The following TAFA2 variants were observed in gnomAD, a reference collection of about 807,000 sequenced individuals.
The protein encoded by TAFA2 is chemokine-like protein TAFA-2.
TAFA2 carries 7 observed loss-of-function variants against 18.8 expected under a neutral mutation model. The observed-to-expected ratio is 0.37, with a 90% confidence interval of 0.21 to 0.70. The LOEUF (loss-of-function observed/expected upper bound fraction) is 0.70. Ranked by LOEUF, TAFA2 falls within the 30% of genes least tolerant of loss-of-function variation. TAFA2 has a pLI of 0.53. For missense variants in TAFA2, 122 were observed against 158.1 expected (o/e 0.77, Z 1.23); for synonymous variants, 60 against 54.2 (o/e 1.11, Z -0.47).
intron 2 of TAFA2, among the ~76,000 whole-genome samples, chr12:61,854,837 TA>T: frequency 6.6e-6 from 1 of 152,262 alleles, no homozygotes; most frequent in Non-Finnish European, 1.5e-5. Flanking sequence ...AAGAAACAGC[TA>T]AATGATATGC....
In TAFA2 at chr12:62,216,962, A is replaced by T. The variant is rs2062738395; in HGVS notation, c.-130+41801T>A. Reference sequence around the variant, plus strand: ...CCCTATAAGGGTTCAGGGAAATGCCATGTAGGTAGTATATGGGAGTCCAGT... The same window carrying T: ...CCCTATAAGGGTTCAGGGAAATGCCTTGTAGGTAGTATATGGGAGTCCAGT... On this transcript the variant is annotated intron_variant, in intron 1 of 5. Coordinates refer to the TAFA2 transcript ENST00000551619. Among the ~76,000 whole-genome samples the T allele has an allele frequency of 2.0e-5, 3 of 152,328 alleles. No homozygotes were observed. The South Asian group carries it at 6.2e-4, about 32-fold the overall frequency.
chr12:61,982,581 T>G (rs1374965523), intron 1 of TAFA2, among the ~76,000 whole-genome samples: 1 of 152,100 alleles, frequency 6.6e-6, no homozygotes, highest in East Asian at 1.9e-4. Context: ...TTATATCCAG[T>G]TTTTTGCTTT....
intron 1 of TAFA2, chr12:62,234,746 C>G: frequency 9.1e-7 from 1 of 1,102,040 alleles, no homozygotes; most frequent in Non-Finnish European, 1.4e-6. Flanking sequence ...TTTCCTGAGG[C>G]CTGGAGTTCT....
At chr12:62,150,188 A>G (rs1485291979) in intron 1 of TAFA2, among the ~76,000 whole-genome samples, 1 of 152,174 alleles carries the variant, frequency 6.6e-6, no homozygotes, top group African/African-American at 2.4e-5. Context: ...ATAGACGCCA[A>G]GGGCACAAAG....
In TAFA2 at chr12:62,086,159, AC is replaced by A. The variant is rs570353547; in HGVS notation, c.-2+105099del. On this transcript the variant is annotated intron_variant, in intron 1 of 4. Transcript: ENST00000416284. ...CATAGCATTATGAGAACGGACTAAG[AC>A]AGTCTCAAAAAAACAAAACAAAACA... is the stretch of plus-strand genomic sequence containing the variant. Among the ~76,000 whole-genome samples, 391 of 151,280 alleles carry A rather than the reference AC, an allele frequency of 2.6e-3. 1 individual carries two copies. The highest frequency in any genetic ancestry group is 8.7e-3 in the African/African-American group (356 of 40,870).
intron 1 of TAFA2, among the ~76,000 whole-genome samples, chr12:62,085,516 G>A (rs752287630): frequency 1.3e-5 from 2 of 152,042 alleles, no homozygotes; most frequent in Non-Finnish European, 2.9e-5. Flanking sequence ...ATTCTGAGAA[G>A]TAAACATGTA....
intron 1 of TAFA2, among the ~76,000 whole-genome samples, chr12:62,233,065 T>C (rs2062819283): frequency 8.6e-6 from 1 of 116,176 alleles, no homozygotes; most frequent in South Asian, 3.1e-4. Flanking sequence ...TTTCTGCATC[T>C]CTTTTTTTTT....
intron 2 of TAFA2, among the ~76,000 whole-genome samples, chr12:61,818,528 A>G (rs201957294): frequency 7.8e-6 from 1 of 127,934 alleles, no homozygotes; most frequent in Non-Finnish European, 1.6e-5. Context: ...CACACACACT[A>G]GGATCCTTCA....
intron 1 of TAFA2, among the ~76,000 whole-genome samples, chr12:62,099,596 C>T (rs138386599): frequency 6.9e-4 from 105 of 152,194 alleles, no homozygotes; most frequent in African/African-American, 2.3e-3. Context: ...AACTTCCAGT[C>T]GGAGAAATAG....
chr12:62,085,258 C>G (rs537733777), intron 1 of TAFA2, among the ~76,000 whole-genome samples: 22 of 152,170 alleles, frequency 1.4e-4, no homozygotes, highest in Non-Finnish European at 2.6e-4. Context: ...TGCATCTATT[C>G]TGAAGCTCAT....
chr12:61,990,709 C>T (rs1400148528), intron 1 of TAFA2, among the ~76,000 whole-genome samples: 1 of 152,142 alleles, frequency 6.6e-6, no homozygotes, highest in Non-Finnish European at 1.5e-5. Context: ...AAGAATTAAA[C>T]AAAATTACTT....
chr12:62,027,207 A>G (rs1339153986), intron 1 of TAFA2, among the ~76,000 whole-genome samples: 1 of 152,222 alleles, frequency 6.6e-6, no homozygotes, highest in Admixed American at 6.6e-5. Flanking sequence ...GGATTTGCAT[A>G]TAAGTTACTA....
chr12:62,176,765 AG>A (rs944941940), intron 1 of TAFA2, among the ~76,000 whole-genome samples: 3 of 152,196 alleles, frequency 2.0e-5, no homozygotes, highest in Non-Finnish European at 4.4e-5. Context: ...AAATTGAAAA[AG>A]GGGGTCCTAC....
At chr12:61,951,851 T>A (rs570261195) in intron 1 of TAFA2, among the ~76,000 whole-genome samples, 1 of 151,922 alleles carries the variant, frequency 6.6e-6, no homozygotes, top group East Asian at 1.9e-4. Context: ...TGTTTATGGC[T>A]TTAGTCTGAG....
At chr12:61,907,807 C>T (rs1265479073) in intron 1 of TAFA2, among the ~76,000 whole-genome samples, 2 of 152,212 alleles carry the variant, frequency 1.3e-5, no homozygotes, top group Non-Finnish European at 2.9e-5. Context: ...TATGGGAGCT[C>T]ACCTTTTGCA....
intron 1 of TAFA2, among the ~76,000 whole-genome samples, chr12:62,117,740 TATAAC>T (rs1376825641): frequency 1.3e-5 from 2 of 152,150 alleles, no homozygotes; most frequent in African/African-American, 2.4e-5. Flanking sequence ...CTGTTTTTCT[TATAAC>T]ATACAATCTA....
intron 1 of TAFA2, among the ~76,000 whole-genome samples, chr12:61,912,412 A>G (rs1876647049): frequency 6.6e-6 from 1 of 152,210 alleles, no homozygotes; most frequent in South Asian, 2.1e-4. Context: ...CATTGTGAAA[A>G]TTAGTTTCAT....
At position 61,820,694 on chromosome 12, in the gene TAFA2, A is replaced by C. The variant is rs142518835; in HGVS notation, c.106+46626T>G. Among the ~76,000 whole-genome samples the C allele has an allele frequency of 7.4e-4, 113 of 152,156 alleles. No individual in the cohort carries two copies. The East Asian group carries it at 0.018, about 24-fold the overall frequency. ...TGATGACTGGATAAATAAATGAAAAAACAAAGTGAAAAGAACTCTACTGGA... is the reference window on the plus strand; with the variant it reads ...TGATGACTGGATAAATAAATGAAAACACAAAGTGAAAAGAACTCTACTGGA... On this transcript the variant is annotated intron_variant, in intron 2 of 4. Coordinates refer to ENST00000416284, the MANE Select transcript of TAFA2 (RefSeq NM_178539.5).
At chr12:61,920,984 G>A (rs1400404449) in intron 1 of TAFA2, among the ~76,000 whole-genome samples, 4 of 152,110 alleles carry the variant, frequency 2.6e-5, no homozygotes, top group East Asian at 3.9e-4. Flanking sequence ...CACTGAAAAC[G>A]CCAAGAGGTT....
Sources: gnomAD v4.1 joint callset for allele counts (sites outside exome capture counted in the v4.1 genomes callset) on GRCh38, gnomAD v4.1.1 for gene constraint, MANE v1.5 for transcripts, NCBI Gene and HGNC (gene_info 2026-07-23, HGNC 2026-07-21) for gene names.